The following GPC5 variants were observed in gnomAD, a reference collection of about 807,000 sequenced individuals.
GPC5 encodes the protein glypican-5.
In GPC5, 47 loss-of-function variants were observed where a neutral mutation model predicts 53.9. The ratio of observed to expected loss-of-function variants is 0.87; its 90% CI spans 0.69 to 1.11. The LOEUF (loss-of-function observed/expected upper bound fraction) is 1.11, where lower values mean the gene tolerates loss of function less well. GPC5 is among the 50% of genes most tolerant of loss of function. GPC5 has a pLI of 0.00. For missense variants in GPC5, 748 were observed against 713.1 expected, an observed-to-expected ratio of 1.05 and a Z score of -0.56; for synonymous variants, 286 against 263.3, an observed-to-expected ratio of 1.09 and a Z score of -0.84.
At chr13:92,543,866 T>TA (rs1320365230) in intron 7 of GPC5, among the ~76,000 whole-genome samples, 14 of 152,090 alleles carry the variant, frequency 9.2e-5, no homozygotes, top group Non-Finnish European at 1.8e-4. Flanking sequence ...CTTTGCAACA[T>TA]AAAAATGCAT....
chr13:92,334,819 A>T (rs542084115), intron 7 of GPC5, among the ~76,000 whole-genome samples: 2 of 152,024 alleles, frequency 1.3e-5, no homozygotes, highest in African/African-American at 4.8e-5. Context: ...ACCTCATTTG[A>T]CTCCGTGTCT....
At chr13:92,221,141 T>G (rs543615265) in intron 7 of GPC5, among the ~76,000 whole-genome samples, 67 of 152,312 alleles carry the variant, frequency 4.4e-4, no homozygotes, top group African/African-American at 1.5e-3. Context: ...CTCAGAGGAC[T>G]TGCTAGTTAA....
At chr13:91,421,169 A>G (rs1367000665) in intron 1 of GPC5, among the ~76,000 whole-genome samples, 1 of 152,186 alleles carries the variant, frequency 6.6e-6, no homozygotes, top group East Asian at 1.9e-4. Context: ...ACTTCCAAGG[A>G]TTTTAGCATC....
intron 7 of GPC5, among the ~76,000 whole-genome samples, chr13:92,280,131 C>T (rs1464808771): frequency 6.6e-6 from 1 of 151,936 alleles, no homozygotes; most frequent in Non-Finnish European, 1.5e-5. Flanking sequence ...ATGTGTATTT[C>T]TAGAAAATTT....
chr13:91,505,982 G>A (rs973055639), intron 2 of GPC5, among the ~76,000 whole-genome samples: 6 of 151,952 alleles, frequency 3.9e-5, no homozygotes, highest in African/African-American at 1.5e-4. Context: ...GATTTATTAT[G>A]AAAGAAGAAA....
chr13:92,638,044 C>T (rs1399827676), intron 7 of GPC5, among the ~76,000 whole-genome samples: 2 of 151,844 alleles, frequency 1.3e-5, no homozygotes, highest in Non-Finnish European at 2.9e-5. Flanking sequence ...CAATAGAAAG[C>T]AACTGAAATG....
chr13:92,747,144 A>G (rs183549959), intron 7 of GPC5, among the ~76,000 whole-genome samples: 196 of 152,266 alleles, frequency 1.3e-3, no homozygotes, highest in African/African-American at 4.5e-3. Flanking sequence ...GTGGTGCATG[A>G]CCATACATGA....
chr13:91,675,826 A>T (rs934566213), intron 2 of GPC5, among the ~76,000 whole-genome samples: 1 of 152,180 alleles, frequency 6.6e-6, no homozygotes, highest in Non-Finnish European at 1.5e-5. Context: ...GCAGGGGAAC[A>T]AGGAGGCGGG....
At chr13:91,566,859 G>A (rs955926947) in intron 2 of GPC5, among the ~76,000 whole-genome samples, 2 of 150,850 alleles carry the variant, frequency 1.3e-5, no homozygotes, top group African/African-American at 4.9e-5. Flanking sequence ...CAACCAAAAT[G>A]TTGAGTAAAT....
chr13:91,940,159 T>C (rs2039911585), intron 6 of GPC5, among the ~76,000 whole-genome samples: 1 of 152,124 alleles, frequency 6.6e-6, no homozygotes, highest in South Asian at 2.1e-4. Flanking sequence ...GGAAAATCTC[T>C]AGTAGTCCAT....
chr13:91,489,774 G>T (rs561159329), intron 2 of GPC5, among the ~76,000 whole-genome samples: 8 of 152,202 alleles, frequency 5.3e-5, no homozygotes, highest in African/African-American at 1.4e-4. Context: ...AAACCTAATT[G>T]CTCTGAGAAA....
chr13:92,465,591 A>G (rs1878659539), intron 7 of GPC5, among the ~76,000 whole-genome samples: 1 of 152,064 alleles, frequency 6.6e-6, no homozygotes, highest in South Asian at 2.1e-4. Context: ...AACCATGTGT[A>G]TATTTTTTTA....
At chr13:91,870,535 T>C (rs1200190537) in intron 5 of GPC5, among the ~76,000 whole-genome samples, 1 of 152,158 alleles carries the variant, frequency 6.6e-6, no homozygotes, top group African/African-American at 2.4e-5. Flanking sequence ...CCATGACACT[T>C]ACAGTGCAGT....
intron 2 of GPC5, among the ~76,000 whole-genome samples, chr13:91,574,465 T>G (rs981142261): frequency 6.6e-6 from 1 of 152,088 alleles, no homozygotes; most frequent in African/African-American, 2.4e-5. Context: ...TGGAGTTTGA[T>G]TCTACCAGGT....
At chr13:92,125,810 T>G (rs1304631665) in intron 6 of GPC5, among the ~76,000 whole-genome samples, 1 of 152,104 alleles carries the variant, frequency 6.6e-6, no homozygotes. Flanking sequence ...TGAAAATTTA[T>G]CTAATGTAGA....
intron 7 of GPC5, among the ~76,000 whole-genome samples, chr13:92,309,361 A>G (rs1255338462): frequency 2.0e-5 from 3 of 152,116 alleles, no homozygotes; most frequent in Non-Finnish European, 4.4e-5. Flanking sequence ...AGAGGTAGAC[A>G]TGACTACATA....
intron 2 of GPC5, among the ~76,000 whole-genome samples, chr13:91,478,688 A>T (rs1883081045): frequency 6.7e-6 from 1 of 149,840 alleles, no homozygotes; most frequent in Admixed American, 6.7e-5. Context: ...TGAAAAGAGC[A>T]TAACAACATA....
intron 4 of GPC5, among the ~76,000 whole-genome samples, chr13:91,753,528 A>G (rs2037224212): frequency 1.3e-5 from 2 of 152,134 alleles, no homozygotes; most frequent in African/African-American, 4.8e-5. Context: ...TGCTCAGGTT[A>G]TAGCCACCTA....
chr13:91,532,677 G>A (rs60001225), intron 2 of GPC5, among the ~76,000 whole-genome samples: 2,104 of 152,088 alleles, frequency 0.014, 41 homozygotes, highest in African/African-American at 0.044. Flanking sequence ...ACCAGCCTGC[G>A]CAACATGCTG....
Sources: allele counts gnomAD v4.1 joint callset (sites outside exome capture counted in the v4.1 genomes callset), GRCh38; gene constraint gnomAD v4.1.1; transcripts MANE v1.5; gene names NCBI Gene and HGNC (gene_info 2026-07-23, HGNC 2026-07-21).